PSD3: variants seen among roughly 807,000 people sequenced by gnomAD.
PSD3 encodes the protein pleckstrin and Sec7 domain containing 3, also known as PH and SEC7 domain-containing protein 3.
PSD3 carries 49 observed loss-of-function variants against 105.5 expected under a neutral mutation model. The observed-to-expected ratio is 0.46, with a 90% confidence interval of 0.37 to 0.59. PSD3 has a LOEUF of 0.59. PSD3 is among the 20% of genes least tolerant of loss of function. The pLI is 0.00. For missense variants in PSD3, 1,561 were observed against 1,263.8 expected, an observed-to-expected ratio of 1.24 and a Z score of -3.57; for synonymous variants, 557 against 457.8, an observed-to-expected ratio of 1.22 and a Z score of -2.77.
intron 2 of PSD3, among the ~76,000 whole-genome samples, chr8:18,898,693 G>C (rs919722209): frequency 2.0e-5 from 3 of 152,096 alleles, no homozygotes; most frequent in African/African-American, 4.8e-5. Flanking sequence ...TAATAAACTA[G>C]AGAAAAGAAA....
intron 15 of PSD3, among the ~76,000 whole-genome samples, chr8:18,553,700 A>G (rs1800910477): frequency 6.6e-6 from 1 of 152,206 alleles, no homozygotes; most frequent in East Asian, 1.9e-4. Context: ...TCAATATGAT[A>G]TATGACTTCA....
chr8:18,926,216 A>G (rs1300317447), intron 2 of PSD3, among the ~76,000 whole-genome samples: 1 of 152,040 alleles, frequency 6.6e-6, no homozygotes, highest in Non-Finnish European at 1.5e-5. Context: ...GTGATGCCAC[A>G]CAACCACAGA....
At chr8:18,584,073 G>A (rs1259318759) in intron 12 of PSD3, among the ~76,000 whole-genome samples, 1 of 152,088 alleles carries the variant, frequency 6.6e-6, no homozygotes, top group Non-Finnish European at 1.5e-5. Flanking sequence ...CATACTTCAT[G>A]GTTTCTGGGA....
In PSD3 at chr8:18,666,724, T is replaced by TG. The variant is rs1339897600; in HGVS notation, c.2173-11040dup. On this transcript the variant is annotated intron_variant, in intron 9 of 15. Transcript: ENST00000327040. ...ATGTAGCTTCACTATTGCTTTTTTT[T>TG]GGGGGGTGGGGGGAAGTAGCTGGAA... 1.1e-3 allele frequency among the ~76,000 whole-genome samples: 147 copies of TG among 136,290 alleles called. 1 individual carries two copies. The highest frequency in any genetic ancestry group is 2.4e-3 in the African/African-American group (88 of 36,246). The allele number at this position is 136,290 out of a possible 152,430, so 89.4% of individuals were successfully genotyped here.
intron 9 of PSD3, among the ~76,000 whole-genome samples, chr8:18,688,142 C>CTG (rs1800767014): frequency 6.6e-6 from 1 of 152,068 alleles, no homozygotes; most frequent in Non-Finnish European, 1.5e-5. Context: ...GCAGTGATGC[C>CTG]ATAATAGCTC....
chr8:18,750,306 C>T (rs954170083), intron 9 of PSD3, among the ~76,000 whole-genome samples: 1 of 151,838 alleles, frequency 6.6e-6, no homozygotes, highest in African/African-American at 2.4e-5. Context: ...CAGATGTGTT[C>T]GGCGTTTCTT....
At chr8:19,066,391 T>C (rs1384812044) in intron 1 of PSD3, among the ~76,000 whole-genome samples, 1 of 152,244 alleles carries the variant, frequency 6.6e-6, no homozygotes, top group Non-Finnish European at 1.5e-5. Flanking sequence ...TTTTTTGAAT[T>C]AGAAAGTAGC....
chr8:18,653,737 A>C (rs189939030), intron 10 of PSD3, among the ~76,000 whole-genome samples: 86 of 152,262 alleles, frequency 5.6e-4, no homozygotes, highest in Non-Finnish European at 8.4e-4. Context: ...ACTACCTATA[A>C]ATGAATAAAT....
At chr8:18,860,072 T>C (rs1816322001) in intron 4 of PSD3, among the ~76,000 whole-genome samples, 1 of 152,178 alleles carries the variant, frequency 6.6e-6, no homozygotes, top group Non-Finnish European at 1.5e-5. Flanking sequence ...AGATTCTTCC[T>C]TTCATTTGAA....
At chr8:19,006,894 C>T (rs552834251) in intron 1 of PSD3, among the ~76,000 whole-genome samples, 2 of 152,158 alleles carry the variant, frequency 1.3e-5, no homozygotes, top group East Asian at 1.9e-4. Context: ...TGATTATTCA[C>T]TGTGATACTA....
chr8:18,557,769 T>C (rs1801166423), intron 14 of PSD3, among the ~76,000 whole-genome samples: 1 of 152,246 alleles, frequency 6.6e-6, no homozygotes, highest in Admixed American at 6.5e-5. Context: ...ATTATTTGTA[T>C]ACTGATAATG....
At position 18,872,378 on chromosome 8, in the gene PSD3, A is replaced by G. The variant is rs746882028; in HGVS notation, c.486T>C (p.Ser162=). The change falls in exon 3 of 16, where the codon TCT becomes TCC. Residue 162 remains serine, a synonymous_variant. Coordinates refer to ENST00000327040, the MANE Select transcript of PSD3 (RefSeq NM_015310.4). ...TTTCCACCTGCTGAACTGAAAAACT[A>G]GAAACAGCATCTTGGTCCAGTACCT... ...ATKVLDQDAV[S]SFSVQQVEKE... 2 of 1,614,218 alleles carry G rather than the reference A, an allele frequency of 1.2e-6. No homozygotes were observed. Among genetic ancestry groups the G allele is most frequent in the South Asian group, 2.2e-5 (2 of 91,086 alleles).
intron 15 of PSD3, among the ~76,000 whole-genome samples, chr8:18,552,812 T>A (rs1012258091): frequency 5.3e-5 from 8 of 152,148 alleles, no homozygotes; most frequent in Admixed American, 1.3e-4. Context: ...AGCTTGGAGG[T>A]TACCAATTCA....
intron 12 of PSD3, among the ~76,000 whole-genome samples, chr8:18,597,016 A>G (rs1489580451): frequency 1.3e-5 from 2 of 152,170 alleles, no homozygotes; most frequent in Non-Finnish European, 2.9e-5. Context: ...ACAGTACTGC[A>G]AGAAAACTAC....
intron 2 of PSD3, among the ~76,000 whole-genome samples, chr8:18,906,722 A>G (rs911426109): frequency 1.3e-5 from 2 of 152,276 alleles, no homozygotes; most frequent in Non-Finnish European, 2.9e-5. Context: ...ACTCAGATTT[A>G]GAAATAAAAA....
chr8:18,677,744 G>A (rs889062532), intron 9 of PSD3, among the ~76,000 whole-genome samples: 3 of 152,150 alleles, frequency 2.0e-5, no homozygotes, highest in Non-Finnish European at 4.4e-5. Context: ...GGGCACGGTG[G>A]CTTACGCCTG....
At chr8:18,836,587 C>T (rs1814127705) in intron 4 of PSD3, among the ~76,000 whole-genome samples, 1 of 152,144 alleles carries the variant, frequency 6.6e-6, no homozygotes, top group African/African-American at 2.4e-5. Context: ...CCCGCCATAT[C>T]CATGAGGGAT....
intron 9 of PSD3, among the ~76,000 whole-genome samples, chr8:18,755,334 G>A (rs749532724): frequency 1.8e-4 from 28 of 152,072 alleles, no homozygotes; most frequent in Non-Finnish European, 3.7e-4. Flanking sequence ...GGAGGCTGAA[G>A]CAGGAGAATC....
intron 9 of PSD3, among the ~76,000 whole-genome samples, chr8:18,723,577 G>A (rs868559190): frequency 6.6e-6 from 1 of 152,228 alleles, no homozygotes; most frequent in South Asian, 2.1e-4. Context: ...TCTATTTTGA[G>A]GTGGGGGAAA....
Sources: gnomAD v4.1 joint callset for allele counts (sites outside exome capture counted in the v4.1 genomes callset) on GRCh38, gnomAD v4.1.1 for gene constraint, MANE v1.5 for transcripts, NCBI Gene and HGNC (gene_info 2026-07-23, HGNC 2026-07-21) for gene names.